GHR: variants seen among roughly 807,000 people sequenced by gnomAD.
The protein encoded by GHR is growth hormone receptor.
GHR carries 35 observed loss-of-function variants against 67.1 expected under a neutral mutation model. The observed-to-expected ratio is 0.52, with a 90% CI of 0.40 to 0.69. The LOEUF is 0.69. Among genes scored for constraint, GHR ranks in the 30% least tolerant of loss-of-function variants. The pLI is 0.00. For missense variants in GHR, 792 were observed against 764.6 expected (o/e 1.04, Z -0.42); for synonymous variants, 272 against 269.1 (o/e 1.01, Z -0.10).
chr5:42,719,209 A>G lies in GHR; in HGVS notation c.1702A>G (p.Thr568Ala), dbSNP rs769394931. Residue 568 changes from threonine to alanine, a missense_variant, in exon 10 of 10, where the codon ACC becomes GCC. Transcript: ENST00000230882. ...PSLNQEDIYI[T>A]TESLTTAAGR... Reference sequence around the variant, plus strand: ...CTTAAACCAAGAGGACATTTACATCACCACAGAAAGCCTTACCACTGCTGC... The same window carrying G: ...CTTAAACCAAGAGGACATTTACATCGCCACAGAAAGCCTTACCACTGCTGC... 4.3e-6 allele frequency: 7 copies of G among 1,614,114 alleles called. No individual in the cohort carries two copies. Among genetic ancestry groups the G allele is most frequent in the Non-Finnish European group, 5.9e-6 (7 of 1,179,986 alleles).
intron 1 of GHR, among the ~76,000 whole-genome samples, chr5:42,462,401 T>C (rs1182555652): frequency 6.6e-6 from 1 of 152,218 alleles, no homozygotes; most frequent in African/African-American, 2.4e-5. Context: ...TGTTTAAGAT[T>C]CCTTATTTAC....
intron 1 of GHR, among the ~76,000 whole-genome samples, chr5:42,482,037 G>T (rs187536417): frequency 6.6e-6 from 1 of 152,136 alleles, no homozygotes; most frequent in African/African-American, 2.4e-5. Flanking sequence ...CTTTGATGAT[G>T]GTGACGTACA....
intron 2 of GHR, among the ~76,000 whole-genome samples, chr5:42,599,656 C>T (rs1204950266): frequency 1.3e-5 from 2 of 152,140 alleles, no homozygotes; most frequent in African/African-American, 2.4e-5. Context: ...TGAGCCACCA[C>T]GCCTGGCCCA....
At chr5:42,659,409 T>C (rs1755440973) in intron 3 of GHR, 1 of 152,174 alleles carries the variant, frequency 6.6e-6, no homozygotes, top group Admixed American at 6.5e-5. Flanking sequence ...TTAGAAACTC[T>C]GCACAAGAAG....
chr5:42,622,693 C>T (rs1470137311), intron 2 of GHR, among the ~76,000 whole-genome samples: 2 of 152,140 alleles, frequency 1.3e-5, no homozygotes, highest in African/African-American at 4.8e-5. Context: ...ACTGTCTATT[C>T]AGGGGTGTTT....
chr5:42,585,092 T>A (rs147379011), intron 2 of GHR, among the ~76,000 whole-genome samples: 2 of 152,334 alleles, frequency 1.3e-5, no homozygotes, highest in Non-Finnish European at 2.9e-5. Context: ...GAGGTATCCT[T>A]TCAGCTGTAT....
chr5:42,661,254 C>T lies in GHR; in HGVS notation c.137-27636C>T, dbSNP rs186324975. ...ATTCAGATTCAGGAAATACAAAGAACGCCACAAAGATATTCCTCGAGAAGA... is the reference window on the plus strand; with the variant it reads ...ATTCAGATTCAGGAAATACAAAGAATGCCACAAAGATATTCCTCGAGAAGA... On this transcript the variant is annotated intron_variant, in intron 3 of 9. Transcript: ENST00000230882. Among the ~76,000 whole-genome samples the T allele has an allele frequency of 2.1e-3, 318 of 152,196 alleles. 1 individual carries two copies. Among genetic ancestry groups the T allele is most frequent in the African/African-American group, 7.3e-3 (302 of 41,532 alleles).
At chr5:42,659,569 CA>C (rs762068568) in intron 3 of GHR, among the ~76,000 whole-genome samples, 26 of 152,046 alleles carry the variant, frequency 1.7e-4, no homozygotes, top group Non-Finnish European at 3.5e-4. Context: ...CTCACACGGC[CA>C]AAAGGACATA....
At chr5:42,632,381 G>A (rs1275649581) in intron 3 of GHR, among the ~76,000 whole-genome samples, 2 of 152,184 alleles carry the variant, frequency 1.3e-5, no homozygotes, top group East Asian at 3.9e-4. Context: ...GAGAGGTCAT[G>A]ATATTTCAGT....
At chr5:42,514,712 G>A (rs1036180966) in intron 1 of GHR, among the ~76,000 whole-genome samples, 1 of 152,132 alleles carries the variant, frequency 6.6e-6, no homozygotes, top group African/African-American at 2.4e-5. Flanking sequence ...GTCATTGCAG[G>A]GTGAGAGGAG....
At chr5:42,559,518 A>G (rs986482210) in intron 1 of GHR, among the ~76,000 whole-genome samples, 1 of 152,298 alleles carries the variant, frequency 6.6e-6, no homozygotes, top group African/African-American at 2.4e-5. Context: ...TGCACTCCCA[A>G]CCTGGGTGGC....
intron 1 of GHR, among the ~76,000 whole-genome samples, chr5:42,495,334 G>T (rs1746276325): frequency 6.6e-6 from 1 of 152,022 alleles, no homozygotes; most frequent in African/African-American, 2.4e-5. Flanking sequence ...GACATGGTAG[G>T]TCTGAAGAGT....
intron 1 of GHR, among the ~76,000 whole-genome samples, chr5:42,557,289 G>A (rs937567760): frequency 6.6e-6 from 1 of 152,094 alleles, no homozygotes; most frequent in African/African-American, 2.4e-5. Flanking sequence ...TGATGTAAGT[G>A]CTTGATTTAG....
intron 1 of GHR, among the ~76,000 whole-genome samples, chr5:42,446,153 T>C (rs879900772): frequency 3.3e-5 from 5 of 152,100 alleles, no homozygotes; most frequent in Non-Finnish European, 5.9e-5. Flanking sequence ...ACATGGACTT[T>C]AGGAGCACAA....
At chr5:42,711,479 C>T in intron 7 of GHR, 107 bp downstream of exon 7, 1 of 787,270 alleles carries the variant, frequency 1.3e-6, no homozygotes, top group Non-Finnish European at 2.2e-6. Context: ...AATATATTAA[C>T]ATCAGATATC....
rs546111752 is a variant in GHR at position 42,482,521 on chromosome 5, T to G, written c.-12+58566T>G. Among the ~76,000 whole-genome samples, 50 of 152,336 alleles carry G rather than the reference T, an allele frequency of 3.3e-4. 2 individuals carry two copies. The highest frequency in any genetic ancestry group is 1.2e-3 in the African/African-American group (48 of 41,576). ...CAGGCAGGCCTCCTTGAGCTGTGGT[T>G]GGCTCCACCCAGTTCGAGCTTCCTG... On this transcript the variant is annotated intron_variant, in intron 1 of 9. Transcript: ENST00000230882.
At chr5:42,558,763 T>C (rs2112448436) in intron 1 of GHR, among the ~76,000 whole-genome samples, 1 of 152,344 alleles carries the variant, frequency 6.6e-6, no homozygotes, top group African/African-American at 2.4e-5. Context: ...CACAGAACCA[T>C]GGAATTGCCT....
intron 1 of GHR, chr5:42,468,407 C>G: frequency 1.7e-6 from 2 of 1,170,952 alleles, no homozygotes; most frequent in Non-Finnish European, 2.4e-6. Flanking sequence ...GTTTCAAAAG[C>G]TTCTTCTTGA....
chr5:42,547,053 C>G (rs1446957836), intron 1 of GHR, among the ~76,000 whole-genome samples: 3 of 152,128 alleles, frequency 2.0e-5, no homozygotes, highest in African/African-American at 7.2e-5. Flanking sequence ...TCTACACATT[C>G]AAAATAAGAT....
Sources: gnomAD v4.1 joint callset for allele counts (sites outside exome capture counted in the v4.1 genomes callset) on GRCh38, gnomAD v4.1.1 for gene constraint, MANE v1.5 for transcripts, NCBI Gene and HGNC (gene_info 2026-07-23, HGNC 2026-07-21) for gene names.